RUNDC3B: variants seen among roughly 807,000 people sequenced by gnomAD.
RUNDC3B encodes RUN domain containing 3B.
A neutral mutation model predicts 58.4 loss-of-function variants in RUNDC3B; 33 were observed. That is an observed-to-expected ratio of 0.56 (90% CI 0.43 to 0.75). The LOEUF (loss-of-function observed/expected upper bound fraction) is 0.75. RUNDC3B is among the 30% of genes least tolerant of loss of function. The pLI, the probability that RUNDC3B is intolerant of heterozygous loss-of-function variation, is 0.00. For synonymous variants in RUNDC3B, 193 were observed against 195.2 expected, an observed-to-expected ratio of 0.99 and a Z score of 0.10; for missense variants, 501 against 535.7, an observed-to-expected ratio of 0.94 and a Z score of 0.64.
intron 2 of RUNDC3B, among the ~76,000 whole-genome samples, chr7:87,699,893 G>C (rs1484249734): frequency 6.6e-6 from 1 of 152,184 alleles, no homozygotes; most frequent in Non-Finnish European, 1.5e-5. Flanking sequence ...TGCATTATTA[G>C]TGAATATAGG....
chr7:87,729,757 G>C (rs1157440064), intron 4 of RUNDC3B, among the ~76,000 whole-genome samples: 1 of 152,222 alleles, frequency 6.6e-6, no homozygotes, highest in Non-Finnish European at 1.5e-5. Flanking sequence ...AGCCAAGAGA[G>C]TGCTTGCATC....
intron 8 of RUNDC3B, among the ~76,000 whole-genome samples, chr7:87,782,765 G>A (rs1835005025): frequency 6.6e-6 from 1 of 152,060 alleles, no homozygotes; most frequent in Non-Finnish European, 1.5e-5. Flanking sequence ...CAATGTGATT[G>A]TGTGATTTTG....
chr7:87,775,073 CAAAA>C (rs543054831), intron 7 of RUNDC3B, among the ~76,000 whole-genome samples: 1 of 152,038 alleles, frequency 6.6e-6, no homozygotes, highest in Non-Finnish European at 1.5e-5. Context: ...ACTTAAAAAA[CAAAA>C]AAGTTAAATG....
intron 1 of RUNDC3B, among the ~76,000 whole-genome samples, chr7:87,629,903 A>G (rs1821029121): frequency 2.0e-5 from 3 of 150,722 alleles, no homozygotes. Flanking sequence ...AGCCGGGACC[A>G]CAGGGGGAGA....
At chr7:87,665,593 G>A (rs964879098) in intron 2 of RUNDC3B, among the ~76,000 whole-genome samples, 1 of 152,016 alleles carries the variant, frequency 6.6e-6, no homozygotes, top group African/African-American at 2.4e-5. Context: ...TGTCATCTAG[G>A]TAAATTGCAT....
At chr7:87,773,173 A>C (rs1834376933) in intron 7 of RUNDC3B, among the ~76,000 whole-genome samples, 1 of 152,044 alleles carries the variant, frequency 6.6e-6, no homozygotes, top group Non-Finnish European at 1.5e-5. Flanking sequence ...AATACAAAAA[A>C]TTAGCCGGGC....
At chr7:87,706,588 A>G (rs1829606968) in intron 3 of RUNDC3B, among the ~76,000 whole-genome samples, 1 of 152,220 alleles carries the variant, frequency 6.6e-6, no homozygotes, top group Admixed American at 6.5e-5. Flanking sequence ...TTGAGTGGCC[A>G]CAGTCCTGGA....
intron 2 of RUNDC3B, among the ~76,000 whole-genome samples, chr7:87,660,197 A>T (rs1252796706): frequency 1.3e-5 from 2 of 152,094 alleles, no homozygotes; most frequent in African/African-American, 2.4e-5. Context: ...GGTAGCAGTT[A>T]CCAGTAAAAA....
At chr7:87,743,146 A>G (rs1418638335) in intron 6 of RUNDC3B, among the ~76,000 whole-genome samples, 1 of 151,772 alleles carries the variant, frequency 6.6e-6, no homozygotes, top group Non-Finnish European at 1.5e-5. Flanking sequence ...AGGTAGTTAC[A>G]TACTGACAGT....
rs757544731 is a variant in RUNDC3B at position 87,829,865 on chromosome 7, T to C, written c.1226-20T>C. On this transcript the variant is annotated intron_variant, in intron 10 of 10. Transcript: ENST00000394654. The stretch of plus-strand genomic sequence containing the variant: ...TCTTGAAGGGCAATTAATTATTTGC[T>C]ATTTAATTCTAATTTTCAGGTAAGG... The C allele has an allele frequency of 1.4e-5, 22 of 1,552,892 alleles. No homozygotes were observed. Among genetic ancestry groups the C allele is most frequent in the Non-Finnish European group, 1.9e-5 (22 of 1,138,012 alleles).
intron 2 of RUNDC3B, among the ~76,000 whole-genome samples, chr7:87,651,854 T>C (rs1823604922): frequency 6.6e-6 from 1 of 152,140 alleles, no homozygotes; most frequent in Non-Finnish European, 1.5e-5. Context: ...AGAAAAAATA[T>C]GAATTCATTT....
chr7:87,826,056 G>T (rs140399462), intron 10 of RUNDC3B, among the ~76,000 whole-genome samples: 206 of 152,240 alleles, frequency 1.4e-3, no homozygotes, highest in Non-Finnish European at 2.3e-3. Flanking sequence ...GACTTTGAGG[G>T]ACTGTTGGGA....
At chr7:87,731,683 TA>T (rs1831586934) in intron 4 of RUNDC3B, among the ~76,000 whole-genome samples, 1 of 152,180 alleles carries the variant, frequency 6.6e-6, no homozygotes, top group African/African-American at 2.4e-5. Context: ...TGTCAGAATA[TA>T]ATGATAAAGG....
chr7:87,700,519 G>A lies in RUNDC3B; in HGVS notation c.337G>A (p.Glu113Lys). ...TTCACAGAATTGTATCTGCAGCATT[G>A]AAAATATGGAAAATGTCAGTTCTTC... Reference protein sequence around the residue: ...KVSQNCICSIENMENVSSSRA... With the variant: ...KVSQNCICSIKNMENVSSSRA... Residue 113 changes from glutamate (E) to lysine (K), a missense_variant, in exon 3 of 11, where the codon GAA (glutamate) becomes AAA (lysine). Glu to Lys is a moderately conservative substitution (Grantham distance 56). Transcript: ENST00000394654. 1 of 1,613,136 alleles carries A rather than the reference G, an allele frequency of 6.2e-7. No individual in the cohort carries two copies. Among genetic ancestry groups the A allele is most frequent in the Non-Finnish European group, 8.5e-7 (1 of 1,179,598 alleles).
At chr7:87,821,012 T>A (rs1477607854) in intron 10 of RUNDC3B, among the ~76,000 whole-genome samples, 4 of 149,336 alleles carry the variant, frequency 2.7e-5, no homozygotes, top group Non-Finnish European at 3.0e-5. Context: ...CCACTCCTAT[T>A]CAACATAGTG....
chr7:87,795,882 CT>C (rs1403400455), intron 8 of RUNDC3B, among the ~76,000 whole-genome samples: 1 of 152,092 alleles, frequency 6.6e-6, no homozygotes, highest in African/African-American at 2.4e-5. Flanking sequence ...AAGAGTGAGA[CT>C]TTGTCTACAA....
intron 7 of RUNDC3B, among the ~76,000 whole-genome samples, chr7:87,774,255 C>A (rs920922087): frequency 6.6e-6 from 1 of 151,796 alleles, no homozygotes; most frequent in African/African-American, 2.4e-5. Flanking sequence ...TTGTAAGTTG[C>A]CACACAACTT....
rs1225484063 is a variant in RUNDC3B at position 87,830,941 on chromosome 7, G to C, written c.*911G>C. 3 of 151,470 alleles carry C rather than the reference G, an allele frequency of 2.0e-5. No individual in the cohort carries two copies. The highest frequency in any genetic ancestry group is 4.4e-5 in the Non-Finnish European group (3 of 67,738). 9.4% of individuals were successfully genotyped at this position (151,470 alleles called of 1,614,324 possible). ...TAATATATGTCTGATATTCAGTGCT[G>C]GTTCTTTTTCCTGTTTGTGCAACAA... On this transcript the variant is annotated 3_prime_UTR_variant, in exon 11 of 11. Transcript: ENST00000394654.
intron 7 of RUNDC3B, 22 bp downstream of exon 7, chr7:87,770,771 G>T (rs200886073): frequency 3.2e-6 from 5 of 1,550,218 alleles, no homozygotes; most frequent in Non-Finnish European, 4.4e-6. Flanking sequence ...TTATCAAAAC[G>T]TACTTAATTT....
Sources: allele counts gnomAD v4.1 joint callset (sites outside exome capture counted in the v4.1 genomes callset), GRCh38; gene constraint gnomAD v4.1.1; transcripts MANE v1.5; gene names NCBI Gene and HGNC (gene_info 2026-07-23, HGNC 2026-07-21).